Variants in PIK3CD observed in about 807,000 individuals in gnomAD.
PIK3CD encodes phosphatidylinositol-4,5-bisphosphate 3-kinase catalytic subunit delta, also known as phosphatidylinositol 4,5-bisphosphate 3-kinase catalytic subunit delta isoform.
In PIK3CD, 20 loss-of-function variants were observed where a neutral mutation model predicts 122.9. The ratio of observed to expected loss-of-function variants is 0.16; its 90% CI spans 0.11 to 0.24. The LOEUF (loss-of-function observed/expected upper bound fraction) is 0.24. Ranked by LOEUF, PIK3CD falls within the 10% of genes least tolerant of loss-of-function variation. PIK3CD has a pLI of 1.00. For missense variants in PIK3CD, 787 were observed against 1,406.3 expected (o/e 0.56, Z 7.04); for synonymous variants, 596 against 593.4 (o/e 1.00, Z -0.06).
chr1:9,663,654 T>C (rs1298492575), intron 1 of PIK3CD, among the ~76,000 whole-genome samples: 2 of 152,158 alleles, frequency 1.3e-5, no homozygotes, highest in African/African-American at 4.8e-5. Context: ...TACATATGTA[T>C]ACATGTGCCA....
intron 23 of PIK3CD, among the ~76,000 whole-genome samples, chr1:9,725,345 G>A (rs949245860): frequency 6.6e-6 from 1 of 151,700 alleles, no homozygotes; most frequent in African/African-American, 2.4e-5. Flanking sequence ...CCTGAGGTCG[G>A]GAGTTCAACA....
chr1:9,651,133 C>T (rs1157204389), upstream of PIK3CD, among the ~76,000 whole-genome samples: 1 of 152,234 alleles, frequency 6.6e-6, no homozygotes, highest in Non-Finnish European at 1.5e-5. Context: ...GAGTGAGCCA[C>T]AGTGCCAGGC....
rs1168124143 is a variant in PIK3CD, at chr1:9,691,580, G to C, written c.-33+9G>C. The C allele has an allele frequency of 1.8e-5, 7 of 398,474 alleles. No homozygotes were observed. Among genetic ancestry groups the C allele is most frequent in the Non-Finnish European group, 1.3e-5 (3 of 226,084 alleles). 24.7% of individuals were successfully genotyped at this position (398,474 alleles called of 1,614,324 possible). A position where few individuals can be genotyped will look rare whatever the true frequency, so the allele number is the denominator to read the frequency against. ...TGGACTATTCCAGAGAGGTAGGTTGGGGGAACGGGCCAAGTGTGTGGGGGA... is the reference window on the plus strand; with the variant it reads ...TGGACTATTCCAGAGAGGTAGGTTGCGGGAACGGGCCAAGTGTGTGGGGGA... On this transcript the variant is annotated intron_variant, in intron 2 of 23. Transcript: ENST00000377346.
intron 1 of PIK3CD, among the ~76,000 whole-genome samples, chr1:9,668,859 T>C (rs1271377607): frequency 1.3e-5 from 2 of 152,148 alleles, no homozygotes; most frequent in African/African-American, 4.8e-5. Context: ...TCCCATGTGG[T>C]CTTAGCTCCC....
At chr1:9,725,168 C>A (rs1488880048) in intron 23 of PIK3CD, among the ~76,000 whole-genome samples, 1 of 152,188 alleles carries the variant, frequency 6.6e-6, no homozygotes, top group East Asian at 1.9e-4. Context: ...TGTGTAGTGA[C>A]CTCTCCTGGT....
intron 1 of PIK3CD, chr1:9,680,915 G>T (rs1326930432): frequency 6.6e-6 from 1 of 152,250 alleles, no homozygotes; most frequent in Non-Finnish European, 1.5e-5. Flanking sequence ...TTCGTTGGGT[G>T]GTTCCGGTCC....
rs1647944530 is a variant in PIK3CD at position 9,718,591 on chromosome 1, A to T, written c.1021-103A>T. The T allele has an allele frequency of 9.2e-7, 1 of 1,088,058 alleles. No homozygotes were observed. Among genetic ancestry groups the T allele is most frequent in the Admixed American group, 1.9e-5 (1 of 53,260 alleles). The allele number at this position is 1,088,058 out of a possible 1,614,324, so 67.4% of individuals were successfully genotyped here. On this transcript the variant is annotated intron_variant, in intron 8 of 23. Transcript: ENST00000377346. The surrounding 1 kb of genome is among the most constrained non-coding windows in gnomAD (Gnocchi z 7.2). ...TTCCTTCGTGTGGGAAGTAGAGTTC[A>T]GACCCACCTGAGGACATTCAAGGGG...
At chr1:9,709,838 C>G (rs1478948296) in intron 2 of PIK3CD, among the ~76,000 whole-genome samples, 1 of 152,116 alleles carries the variant, frequency 6.6e-6, no homozygotes, top group Admixed American at 6.6e-5. Flanking sequence ...GAAACCCTCT[C>G]TCTACAAAAG....
Position 9,724,883 on chromosome 1 carries a change from C to T in PIK3CD, c.2944C>T (p.Arg982Trp), listed in dbSNP as rs778194087. The T allele has an allele frequency of 1.2e-5, 20 of 1,613,950 alleles. No homozygotes were observed. The highest frequency in any genetic ancestry group is 4.5e-5 in the East Asian group (2 of 44,890). ...LLFLHLFALMRAAGLPELSCS... is the reference protein window; with the variant it reads ...LLFLHLFALMWAAGLPELSCS... ...CTTCCTCCACCTCTTTGCCCTGATG[C>T]GGGCGGCAGGCCTGCCTGAGCTCAG... Residue 982 changes from arginine (R) to tryptophan (W), a missense_variant, in exon 23 of 24, where the codon CGG becomes TGG. Arg to Trp is a moderately radical substitution (Grantham distance 101). Transcript: ENST00000377346. The surrounding 1 kb of genome is among the most constrained non-coding windows in gnomAD (Gnocchi z 7.3).
chr1:9,630,456 C>T, the PIK3CD span, among the ~76,000 whole-genome samples: 1 of 152,246 alleles, frequency 6.6e-6, no homozygotes, highest in Non-Finnish European at 1.5e-5. Flanking sequence ...TTCAGCATTT[C>T]TACAGACTCA....
In PIK3CD at chr1:9,710,654, GACAC is replaced by G. The variant is rs1000703361; in HGVS notation, c.141+60_141+63del. 16 of 1,445,330 alleles carry G rather than the reference GACAC, an allele frequency of 1.1e-5. No individual in the cohort carries two copies. Among genetic ancestry groups the G allele is most frequent in the Middle Eastern group, 1.9e-4 (1 of 5,278 alleles). 89.5% of individuals were successfully genotyped at this position (1,445,330 alleles called of 1,614,324 possible). On this transcript the variant is annotated intron_variant, in intron 3 of 23. Coordinates refer to ENST00000377346, the MANE Select transcript of PIK3CD (RefSeq NM_005026.5). The surrounding 1 kb of genome is among the most constrained non-coding windows in gnomAD (Gnocchi z 4.7). ...GCTCAGAGAGAGAGAGAGAGAGAGA[GACAC>G]AGATAGACAGACAGACAGACAGACA...
In PIK3CD at chr1:9,715,018, T is replaced by C. The variant is rs1035082650; in HGVS notation, c.142-523T>C. ...AAACCCCATCTCTACTAAAAAAAAA[T>C]ACAAAAAATTTAGCCAGGCATGGTG... On this transcript the variant is annotated intron_variant, in intron 3 of 23. Transcript: ENST00000377346. The surrounding 1 kb of genome is among the most constrained non-coding windows in gnomAD (Gnocchi z 4.1). Among the ~76,000 whole-genome samples the C allele has an allele frequency of 1.3e-5, 2 of 151,302 alleles. No homozygotes were observed. Among genetic ancestry groups the C allele is most frequent in the African/African-American group, 2.4e-5 (1 of 41,068 alleles).
rs2100616219 is a variant in PIK3CD at position 9,700,355 on chromosome 1, T to G, written c.-33+8784T>G. Among the ~76,000 whole-genome samples the G allele has an allele frequency of 6.6e-6, 1 of 152,234 alleles. No homozygotes were observed. Among genetic ancestry groups the G allele is most frequent in the South Asian group, 2.1e-4 (1 of 4,830 alleles). On this transcript the variant is annotated intron_variant, in intron 2 of 23. Transcript: ENST00000377346. The surrounding 1 kb of genome is among the most constrained non-coding windows in gnomAD (Gnocchi z 5.1). ...CCAAGGAGAACATTTCAGGACAGAC[T>G]GTAAGGGTGGCGTGGTGTCCTGGCC...
At chr1:9,670,679 A>C (rs1452739724) in intron 1 of PIK3CD, among the ~76,000 whole-genome samples, 1 of 152,186 alleles carries the variant, frequency 6.6e-6, no homozygotes, top group Admixed American at 6.6e-5. Flanking sequence ...GGGTACCCAA[A>C]AAGTTGCAGT....
chr1:9,714,704 C>G (rs1201478388), intron 3 of PIK3CD, among the ~76,000 whole-genome samples: 1 of 152,104 alleles, frequency 6.6e-6, no homozygotes, highest in Admixed American at 6.6e-5. Flanking sequence ...TGTAGCAACA[C>G]TGGGAACTTT....
the PIK3CD span, among the ~76,000 whole-genome samples, chr1:9,634,064 A>T: frequency 1.3e-5 from 2 of 151,038 alleles, no homozygotes; most frequent in Non-Finnish European, 2.9e-5. Flanking sequence ...CTTCTACTCC[A>T]GGGCTCAGGT....
chr1:9,728,657 C>T lies in PIK3CD; in HGVS notation c.*1611C>T, dbSNP rs1167633911. ...AACTCACTAGACCGTCTGCCTGTTT[C>T]GAAATGGGGAAAGCCGTGCGTGCGC... On this transcript the variant is annotated 3_prime_UTR_variant, in exon 24 of 24. Transcript: ENST00000377346. 3.9e-5 allele frequency: 6 copies of T among 152,280 alleles called. No individual in the cohort carries two copies. The highest frequency in any genetic ancestry group is 1.2e-4 in the African/African-American group (5 of 41,478). 9.4% of individuals were successfully genotyped at this position (152,280 alleles called of 1,614,324 possible). A position where few individuals can be genotyped will look rare whatever the true frequency, so the allele number is the denominator to read the frequency against.
At chr1:9,628,968 G>A in the PIK3CD span, among the ~76,000 whole-genome samples, 1 of 152,078 alleles carries the variant, frequency 6.6e-6, no homozygotes, top group Non-Finnish European at 1.5e-5. Context: ...GCCGTCTGTG[G>A]TCTGCCCTGG....
At chr1:9,708,930 G>A (rs1646945758) in intron 2 of PIK3CD, among the ~76,000 whole-genome samples, 1 of 152,200 alleles carries the variant, frequency 6.6e-6, no homozygotes, top group Admixed American at 6.5e-5. Flanking sequence ...GGCGGGGAAG[G>A]GAGAAGGGGA....
Sources: allele counts gnomAD v4.1 joint callset (sites outside exome capture counted in the v4.1 genomes callset), GRCh38; gene constraint gnomAD v4.1.1; non-coding constraint Gnocchi (gnomAD v3.1); transcripts MANE v1.5; gene names NCBI Gene and HGNC (gene_info 2026-07-23, HGNC 2026-07-21).